TFPI: variants seen among roughly 807,000 people sequenced by gnomAD.
The protein encoded by TFPI is anti-convertin.
Under a neutral mutation model 34.6 loss-of-function variants are expected in TFPI, and 15 were observed. The observed-to-expected ratio is 0.43, with a 90% CI of 0.29 to 0.67. The LOEUF (loss-of-function observed/expected upper bound fraction) is 0.67, where lower values mean the gene tolerates loss of function less well. TFPI is among the 30% of genes least tolerant of loss of function. TFPI has a pLI of 0.15. For synonymous variants in TFPI, 105 were observed against 120.1 expected, an observed-to-expected ratio of 0.87 and a Z score of 0.82; for missense variants, 301 against 364.0, an observed-to-expected ratio of 0.83 and a Z score of 1.41.
At chr2:187,511,115 G>A (rs1329544594) in intron 1 of TFPI, among the ~76,000 whole-genome samples, 2 of 152,168 alleles carry the variant, frequency 1.3e-5, no homozygotes, top group Non-Finnish European at 2.9e-5. Flanking sequence ...CCAGTGGAAC[G>A]CCTCCTCAGA....
intron 6 of TFPI, chr2:187,478,681 A>G (rs1409445494): frequency 2.5e-5 from 41 of 1,612,804 alleles, no homozygotes; most frequent in Non-Finnish European, 3.4e-5. Flanking sequence ...AAATATTAAC[A>G]TAGGCATGAA....
In TFPI at chr2:187,488,962, T is replaced by C. The variant is rs558774031; in HGVS notation, c.320-587A>G. On this transcript the variant is annotated intron_variant, in intron 3 of 7. Transcript: ENST00000233156. ...CTAAAACTGGAATGTTAGTTGTCTT[T>C]GTCCTACCATATTCCAAGTATGAAT... 2.6e-5 allele frequency among the ~76,000 whole-genome samples: 4 copies of C among 151,658 alleles called. No homozygotes were observed. The East Asian group carries it at 7.7e-4, about 29-fold the overall frequency.
chr2:187,548,397 T>C (rs576167326), intron 1 of TFPI, among the ~76,000 whole-genome samples: 1 of 152,266 alleles, frequency 6.6e-6, no homozygotes, highest in African/African-American at 2.4e-5. Flanking sequence ...TATCCTTGTA[T>C]ATTAAAGTAG....
At chr2:187,541,955 A>C (rs1688603419) in intron 1 of TFPI, among the ~76,000 whole-genome samples, 1 of 152,182 alleles carries the variant, frequency 6.6e-6, no homozygotes, top group African/African-American at 2.4e-5. Flanking sequence ...AAACACATGC[A>C]TGGGATTTAA....
At position 187,465,340 on chromosome 2, in the gene TFPI, C is replaced by T. The variant is rs1467173575; in HGVS notation, c.*1596G>A. The T allele has an allele frequency of 1.3e-5, 2 of 151,604 alleles. No individual in the cohort carries two copies. The highest frequency in any genetic ancestry group is 2.4e-5 in the African/African-American group (1 of 41,266). The allele number at this position is 151,604 out of a possible 1,614,324, so 9.4% of individuals were successfully genotyped here. Reference sequence around the variant, plus strand: ...GGTAACGTGGTGAAACTCGTCTCTACAAAAATTACATAAATTAGCTGGTGT... The same window carrying T: ...GGTAACGTGGTGAAACTCGTCTCTATAAAAATTACATAAATTAGCTGGTGT... On this transcript the variant is annotated 3_prime_UTR_variant, in exon 8 of 8. Transcript: ENST00000233156.
intron 6 of TFPI, among the ~76,000 whole-genome samples, chr2:187,474,394 A>G (rs1692238209): frequency 6.6e-6 from 1 of 152,158 alleles, no homozygotes; most frequent in Non-Finnish European, 1.5e-5. Flanking sequence ...AACATAACAC[A>G]AAAAAGAGTA....
intron 1 of TFPI, among the ~76,000 whole-genome samples, chr2:187,528,964 A>C (rs115621094): frequency 0.021 from 3,149 of 152,300 alleles, 113 homozygotes; most frequent in African/African-American, 0.072. Flanking sequence ...AAGGCAGTAA[A>C]GATTTGATAC....
chr2:187,468,755 G>A (rs1691861723), intron 6 of TFPI, among the ~76,000 whole-genome samples: 1 of 152,070 alleles, frequency 6.6e-6, no homozygotes, highest in Non-Finnish European at 1.5e-5. Flanking sequence ...TTAGCTCTCT[G>A]GGAATTACTG....
rs1027444197 is a variant in TFPI at position 187,542,886 on chromosome 2, T to A, written c.-3+11314A>T. Among the ~76,000 whole-genome samples, 21 of 116,206 alleles carry A rather than the reference T, an allele frequency of 1.8e-4. No homozygotes were observed. In the South Asian group the frequency reaches 3.5e-3, roughly 19 times the overall value. 76.2% of individuals were successfully genotyped at this position (116,206 alleles called of 152,430 possible). Reference sequence around the variant, plus strand: ...AGTCTCAAAAAAAAAAAAAAAAAAATCTGGGCTGCTGGAATCCCAACTATA... The same window carrying A: ...AGTCTCAAAAAAAAAAAAAAAAAAAACTGGGCTGCTGGAATCCCAACTATA... On this transcript the variant is annotated intron_variant, in intron 1 of 7. Transcript: ENST00000233156.
At chr2:187,482,445 T>G (rs902484885) in intron 6 of TFPI, among the ~76,000 whole-genome samples, 10 of 152,038 alleles carry the variant, frequency 6.6e-5, no homozygotes, top group African/African-American at 2.2e-4. Context: ...TAAGTCAGAA[T>G]CACAAAAGTA....
intron 1 of TFPI, chr2:187,516,307 T>G (rs575931772): frequency 6.6e-6 from 1 of 152,316 alleles, no homozygotes; most frequent in East Asian, 1.9e-4. Context: ...AACTGGCACA[T>G]GTGCCCTTGC....
chr2:187,522,891 AAAAT>A (rs138871269), intron 1 of TFPI, among the ~76,000 whole-genome samples: 62,118 of 142,222 alleles, frequency 0.44, 14,003 homozygotes, highest in South Asian at 0.54. Context: ...ACTGTGTCTC[AAAAT>A]AAATAAATAA....
chr2:187,522,543 G>A (rs1687437346), intron 1 of TFPI, among the ~76,000 whole-genome samples: 1 of 151,642 alleles, frequency 6.6e-6, no homozygotes, highest in Admixed American at 6.6e-5. Flanking sequence ...TTCTTAAGAG[G>A]GCAGATCTAT....
At chr2:187,508,494 GT>G (rs1356767339) in intron 1 of TFPI, among the ~76,000 whole-genome samples, 2 of 152,098 alleles carry the variant, frequency 1.3e-5, no homozygotes, top group African/African-American at 2.4e-5. Flanking sequence ...TTGAGCAGTT[GT>G]TTCTAGATCT....
At chr2:187,528,997 G>A (rs1339033708) in intron 1 of TFPI, among the ~76,000 whole-genome samples, 1 of 152,106 alleles carries the variant, frequency 6.6e-6, no homozygotes, top group Non-Finnish European at 1.5e-5. Context: ...TCTTATAATG[G>A]AGTCATTCCA....
chr2:187,480,905 G>A (rs541592557), intron 6 of TFPI, among the ~76,000 whole-genome samples: 1 of 151,842 alleles, frequency 6.6e-6, no homozygotes, highest in African/African-American at 2.4e-5. Context: ...CAAGTATCTC[G>A]AATCAAGAAA....
chr2:187,549,724 G>C (rs1261199137), intron 1 of TFPI, among the ~76,000 whole-genome samples: 1 of 151,832 alleles, frequency 6.6e-6, no homozygotes, highest in Non-Finnish European at 1.5e-5. Flanking sequence ...ATCTTATTTA[G>C]GCAAACTAAA....
chr2:187,544,252 TATC>T (rs1278734059), intron 1 of TFPI, among the ~76,000 whole-genome samples: 1 of 152,212 alleles, frequency 6.6e-6, no homozygotes, highest in Non-Finnish European at 1.5e-5. Context: ...CCCCATTTCT[TATC>T]ATTAAAACTG....
chr2:187,512,732 G>GC (rs1469182295), intron 1 of TFPI, among the ~76,000 whole-genome samples: 4 of 151,844 alleles, frequency 2.6e-5, no homozygotes, highest in Non-Finnish European at 4.4e-5. Context: ...GTCCACTTTG[G>GC]AAAAGAATGG....
Sources: gnomAD v4.1 joint callset for allele counts (sites outside exome capture counted in the v4.1 genomes callset) on GRCh38, gnomAD v4.1.1 for gene constraint, MANE v1.5 for transcripts, NCBI Gene and HGNC (gene_info 2026-07-23, HGNC 2026-07-21) for gene names.